The following TOGARAM2 variants were observed in gnomAD, a reference collection of about 807,000 sequenced individuals.
TOGARAM2 encodes the protein TOG array regulator of axonemal microtubules protein 2.
TOGARAM2 carries 85 observed loss-of-function variants against 93.3 expected under a neutral mutation model. The ratio of observed to expected loss-of-function variants is 0.91; its 90% confidence interval spans 0.76 to 1.09. The LOEUF is 1.09. Ranked by LOEUF, TOGARAM2 falls within the 50% of genes least tolerant of loss-of-function variation. The pLI is 0.00. For synonymous variants in TOGARAM2, 593 were observed against 552.8 expected, an observed-to-expected ratio of 1.07 and a Z score of -1.02; for missense variants, 1,277 against 1,334.5, an observed-to-expected ratio of 0.96 and a Z score of 0.67.
chr2:28,994,792 G>A lies in TOGARAM2; in HGVS notation c.-43G>A. 1 of 1,551,236 alleles carries A rather than the reference G, an allele frequency of 6.4e-7. No individual in the cohort carries two copies. The highest frequency in any genetic ancestry group is 2.4e-5 in the East Asian group (1 of 40,908). ...CTGTACTCACTGCCCAGAAATAGCT[G>A]CTGCCTCTGGGCAACCTTGTAGGCA... On this transcript the variant is annotated 5_prime_UTR_variant, in exon 2 of 20. Coordinates refer to ENST00000379558, the MANE Select transcript of TOGARAM2 (RefSeq NM_199280.4).
At chr2:29,050,922 G>GT (rs1667025123) in intron 19 of TOGARAM2, 1 of 152,596 alleles carries the variant, frequency 6.6e-6, no homozygotes, top group Non-Finnish European at 1.5e-5. Context: ...TGGCTTCTGG[G>GT]TTTTCCGGGG....
intron 6 of TOGARAM2, among the ~76,000 whole-genome samples, chr2:29,008,445 C>G (rs779525006): frequency 2.7e-5 from 4 of 147,664 alleles, no homozygotes; most frequent in East Asian, 2.1e-4. Flanking sequence ...GCCACTGCAC[C>G]CAGCCAATTA....
At chr2:28,987,532 G>A (rs535328957) in intron 1 of TOGARAM2, among the ~76,000 whole-genome samples, 36 of 152,204 alleles carry the variant, frequency 2.4e-4, no homozygotes, top group Non-Finnish European at 3.8e-4. Context: ...CTCGTGATCC[G>A]CCCACCTCGG....
intron 6 of TOGARAM2, among the ~76,000 whole-genome samples, chr2:29,010,179 T>C (rs1422968465): frequency 6.6e-6 from 1 of 152,064 alleles, no homozygotes; most frequent in African/African-American, 2.4e-5. Flanking sequence ...CATGAGCTCA[T>C]AGAAGCCAAG....
intron 1 of TOGARAM2, among the ~76,000 whole-genome samples, chr2:28,960,245 T>C (rs1377420369): frequency 2.0e-5 from 3 of 152,236 alleles, no homozygotes; most frequent in Non-Finnish European, 4.4e-5. Flanking sequence ...CACACTTTAT[T>C]CTTAACTACT....
rs570876391 is a variant in TOGARAM2, at chr2:29,004,863, G to T, written c.830+1181G>T. 9.9e-5 allele frequency among the ~76,000 whole-genome samples: 15 copies of T among 151,402 alleles called. No homozygotes were observed. In the East Asian group the frequency reaches 2.4e-3, roughly 24 times the overall value. ...TATGAGTGCATCTGTGTGGAGTTGT[G>T]TGTGCATGTGTGTGGAGTGTATGTG... On this transcript the variant is annotated intron_variant, in intron 6 of 19. Coordinates refer to ENST00000379558, the MANE Select transcript of TOGARAM2 (RefSeq NM_199280.4).
Position 29,033,008 on chromosome 2 carries a change from C to T in TOGARAM2, c.2087C>T (p.Pro696Leu), listed in dbSNP as rs754450193. 6.2e-7 allele frequency: 1 copy of T among 1,613,868 alleles called. No homozygotes were observed. Among genetic ancestry groups the T allele is most frequent in the East Asian group, 2.2e-5 (1 of 44,892 alleles). The change falls in exon 15 of 20, where the codon CCA (proline) becomes CTA (leucine). Residue 696 changes from proline to leucine, a missense_variant. Coordinates refer to ENST00000379558, the MANE Select transcript of TOGARAM2 (RefSeq NM_199280.4). Reference sequence around the variant, plus strand: ...GATGCATTTCTGAAGCAATCTCTCCCATCTTACGACTTGCAGAAGGTCATG... The same window carrying T: ...GATGCATTTCTGAAGCAATCTCTCCTATCTTACGACTTGCAGAAGGTCATG... ...KFDAFLKQSL[P>L]SYDLQKVMAA...
At chr2:28,963,355 C>T (rs917283028) in intron 1 of TOGARAM2, among the ~76,000 whole-genome samples, 1 of 152,142 alleles carries the variant, frequency 6.6e-6, no homozygotes, top group Non-Finnish European at 1.5e-5. Flanking sequence ...AGTGTATGAT[C>T]TATCTTGGCA....
At position 29,035,705 on chromosome 2, in the gene TOGARAM2, T is replaced by C. The variant is rs748757258; in HGVS notation, c.2418+49T>C. ...TCCCACCTGTCTCTCCTCTGGGGGG[T>C]GCAACTTGAAGTTTGAAAACTCTGA... On this transcript the variant is annotated intron_variant, in intron 17 of 19. Coordinates refer to ENST00000379558, the MANE Select transcript of TOGARAM2 (RefSeq NM_199280.4). 8.4e-5 allele frequency: 110 copies of C among 1,304,614 alleles called. 1 individual carries two copies. Among genetic ancestry groups the C allele is most frequent in the South Asian group, 1.3e-4 (5 of 38,626 alleles). The allele number at this position is 1,304,614 out of a possible 1,614,324, so 80.8% of individuals were successfully genotyped here. A position where few individuals can be genotyped will look rare whatever the true frequency, so the allele number is the denominator to read the frequency against.
At chr2:28,985,109 GGAGGTAATTAGATTCAGAT>G (rs1356989906) in intron 1 of TOGARAM2, among the ~76,000 whole-genome samples, 2 of 152,180 alleles carry the variant, frequency 1.3e-5, no homozygotes, top group Non-Finnish European at 2.9e-5. Flanking sequence ...GGGGCCTTCG[GGAGGTAATTAGATTCAGAT>G]GAGGTCGTGA....
intron 16 of TOGARAM2, among the ~76,000 whole-genome samples, chr2:29,034,670 T>G (rs1393217017): frequency 6.6e-6 from 1 of 152,190 alleles, no homozygotes; most frequent in East Asian, 1.9e-4. Context: ...GTTCTTATGC[T>G]GGCTGGAAGG....
chr2:28,997,704 G>T (rs1673062518), intron 2 of TOGARAM2, among the ~76,000 whole-genome samples: 2 of 152,212 alleles, frequency 1.3e-5, no homozygotes, highest in Admixed American at 6.5e-5. Context: ...ATTGGTCAGG[G>T]CGGAAGCCGT....
intron 6 of TOGARAM2, among the ~76,000 whole-genome samples, chr2:29,004,906 GTGTGTGCATGTGTACGTGTGTGAGTGCA>G (rs1325326713): frequency 3.2e-5 from 2 of 62,016 alleles, no homozygotes; most frequent in South Asian, 5.0e-4. Flanking sequence ...GTGAGTGCAT[GTGTGTGCATGTGTACGTGTGTGAGTGCA>G]TGTGTGTGCA....
chr2:28,990,575 C>G lies in TOGARAM2; in HGVS notation c.-110-4150C>G, dbSNP rs957128596. Among the ~76,000 whole-genome samples, 5 of 152,220 alleles carry G rather than the reference C, an allele frequency of 3.3e-5. No individual in the cohort carries two copies. In the South Asian group the frequency reaches 1.0e-3, roughly 31 times the overall value. The stretch of plus-strand genomic sequence containing the variant: ...CGGCCTGGAATGCCATTCCTCCTTC[C>G]TACCCGTTTAGACCCCATTTCCTAC... On this transcript the variant is annotated intron_variant, in intron 1 of 19. Coordinates refer to ENST00000379558, the MANE Select transcript of TOGARAM2 (RefSeq NM_199280.4).
At chr2:29,049,367 C>T (rs981115212) in intron 19 of TOGARAM2, 2 of 152,220 alleles carry the variant, frequency 1.3e-5, no homozygotes, top group Non-Finnish European at 2.9e-5. Context: ...TTTGTTTATC[C>T]ATTCCTCAAT....
chr2:29,020,649 G>A (rs1204660342), intron 10 of TOGARAM2, among the ~76,000 whole-genome samples: 2 of 152,186 alleles, frequency 1.3e-5, no homozygotes, highest in African/African-American at 4.8e-5. Flanking sequence ...TGCCCCTGTG[G>A]GGTGCGGTGA....
At chr2:29,007,434 C>G (rs1342054787) in intron 6 of TOGARAM2, among the ~76,000 whole-genome samples, 1 of 152,128 alleles carries the variant, frequency 6.6e-6, no homozygotes, top group African/African-American at 2.4e-5. Flanking sequence ...CTCCTAGTGC[C>G]TCCTGCTCCA....
intron 15 of TOGARAM2, 42 bp from the exon 16 acceptor site, chr2:29,033,427 G>A: frequency 6.4e-7 from 1 of 1,554,798 alleles, no homozygotes; most frequent in Non-Finnish European, 8.8e-7. Context: ...TTCCCTGGAG[G>A]GCCACTCCTT....
At chr2:28,981,718 T>C (rs1672202347) in intron 1 of TOGARAM2, among the ~76,000 whole-genome samples, 180 bp downstream of exon 1, 1 of 152,230 alleles carries the variant, frequency 6.6e-6, no homozygotes, top group African/African-American at 2.4e-5. Context: ...GGGATGTCTC[T>C]GACCCTTTCT....
Sources: gnomAD v4.1 joint callset for allele counts (sites outside exome capture counted in the v4.1 genomes callset) on GRCh38, gnomAD v4.1.1 for gene constraint, MANE v1.5 for transcripts, NCBI Gene and HGNC (gene_info 2026-07-23, HGNC 2026-07-21) for gene names.